GCSAML: variants seen among roughly 807,000 people sequenced by gnomAD.
GCSAML encodes germinal center associated signaling and motility like.
GCSAML carries 9 observed loss-of-function variants against 13.0 expected under a neutral mutation model. The ratio of observed to expected loss-of-function variants is 0.69; its 90% confidence interval spans 0.42 to 1.21. The LOEUF is 1.21. Among genes scored for constraint, GCSAML ranks in the 50% most tolerant of loss-of-function variants. The pLI is 0.00. For synonymous variants in GCSAML, 37 were observed against 52.9 expected, an observed-to-expected ratio of 0.70 and a Z score of 1.31; for missense variants, 143 against 153.4, an observed-to-expected ratio of 0.93 and a Z score of 0.36.
intron 2 of GCSAML, among the ~76,000 whole-genome samples, chr1:247,562,461 ACTTTC>A (rs1668168244): frequency 6.6e-6 from 1 of 152,088 alleles, no homozygotes; most frequent in African/African-American, 2.4e-5. Flanking sequence ...GAAACTCACG[ACTTTC>A]CTTTATTTCC....
At chr1:247,566,651 T>A (rs769964800) in intron 4 of GCSAML, among the ~76,000 whole-genome samples, 9 of 152,160 alleles carry the variant, frequency 5.9e-5, no homozygotes, top group Admixed American at 4.6e-4. Flanking sequence ...CTTTCCACAT[T>A]CCCTTTCAAT....
intron 1 of GCSAML, among the ~76,000 whole-genome samples, chr1:247,552,422 C>G (rs771340524): frequency 2.1e-4 from 32 of 152,180 alleles, no homozygotes; most frequent in Non-Finnish European, 3.8e-4. Flanking sequence ...CCCTGCTTGT[C>G]AGAGGCCTGT....
chr1:247,548,185 G>A (rs574661586), upstream of GCSAML, among the ~76,000 whole-genome samples: 7 of 152,318 alleles, frequency 4.6e-5, no homozygotes, highest in African/African-American at 1.7e-4. This position sits in a 1 kb window ranked among gnomAD's most constrained non-coding sequence, Gnocchi z 5.3. Flanking sequence ...ACCACCTGTG[G>A]TATAAATCCT....
chr1:247,565,907 T>C, intron 3 of GCSAML, 24 bp from the exon 4 acceptor site: 2 of 1,270,132 alleles, frequency 1.6e-6, no homozygotes, highest in Non-Finnish European at 1.1e-6. Context: ...TTTCTTTCTT[T>C]TTTTTTTTTT....
In GCSAML at chr1:247,523,878, A is replaced by C. The variant is rs567484834; in HGVS notation, c.-262-3062A>C. On this transcript the variant is annotated intron_variant, in intron 1 of 5. Transcript: ENST00000366489. ...ATTGATATTCCTGAAATAAATTTGC[A>C]CATATATGAAATTTTGAATATGGTA... is the stretch of plus-strand genomic sequence containing the variant. Among the ~76,000 whole-genome samples, 11 of 152,314 alleles carry C rather than the reference A, an allele frequency of 7.2e-5. No homozygotes were observed. The South Asian group carries it at 1.9e-3, about 26-fold the overall frequency.
intron 3 of GCSAML, among the ~76,000 whole-genome samples, chr1:247,563,843 C>T (rs1668233729): frequency 1.3e-5 from 2 of 152,064 alleles, no homozygotes; most frequent in Admixed American, 1.3e-4. Context: ...TAAGAAACTT[C>T]TGTGGAAAGA....
chr1:247,523,306 C>T (rs1558237073), intron 1 of GCSAML, among the ~76,000 whole-genome samples: 1 of 152,240 alleles, frequency 6.6e-6, no homozygotes, highest in Non-Finnish European at 1.5e-5. Context: ...CATATATAGA[C>T]AGGAATAATT....
At position 247,511,409 on chromosome 1, in the gene GCSAML, C is replaced by A. The variant is rs1245526784; in HGVS notation, c.-263+4176C>A. 2.0e-5 allele frequency among the ~76,000 whole-genome samples: 3 copies of A among 151,942 alleles called. No homozygotes were observed. The East Asian group carries it at 5.8e-4, about 29-fold the overall frequency. ...CCCTTTATTTTGAGCTTATGTGTGT[C>A]TTTGCACGTGAGATGGGTCTCCTGA... On this transcript the variant is annotated intron_variant, in intron 1 of 5. Coordinates refer to the GCSAML transcript ENST00000366489.
chr1:247,509,778 G>C (rs1665958362), intron 1 of GCSAML, among the ~76,000 whole-genome samples: 2 of 152,076 alleles, frequency 1.3e-5, no homozygotes, highest in Admixed American at 6.6e-5. Context: ...TTTTGTCATT[G>C]GTTTTGTTTA....
intron 2 of GCSAML, among the ~76,000 whole-genome samples, chr1:247,561,141 A>G (rs1270796221): frequency 6.6e-6 from 1 of 151,930 alleles, no homozygotes; most frequent in Non-Finnish European, 1.5e-5. Flanking sequence ...TTTTGTACAG[A>G]CAGGGTTTTG....
At chr1:247,568,771 A>G (rs951320953) in intron 4 of GCSAML, among the ~76,000 whole-genome samples, 2 of 152,158 alleles carry the variant, frequency 1.3e-5, no homozygotes, top group Non-Finnish European at 2.9e-5. Context: ...TTTGGGCAGT[A>G]TGGCCATTTT....
chr1:247,562,210 G>T (rs1464226884), intron 2 of GCSAML, among the ~76,000 whole-genome samples: 1 of 152,172 alleles, frequency 6.6e-6, no homozygotes, highest in Non-Finnish European at 1.5e-5. Context: ...GCAAAGCTTT[G>T]TCTGAGAATA....
intron 4 of GCSAML, among the ~76,000 whole-genome samples, chr1:247,567,305 G>A (rs898247691): frequency 6.6e-6 from 1 of 151,754 alleles, no homozygotes; most frequent in African/African-American, 2.4e-5. Context: ...TTAGGTATTT[G>A]TTCTAATGCT....
intron 2 of GCSAML, chr1:247,531,634 A>G: frequency 2.5e-6 from 4 of 1,614,182 alleles, no homozygotes; most frequent in Non-Finnish European, 3.4e-6. Context: ...CGTGTTCCTC[A>G]GGGTGTAAAT....
intron 1 of GCSAML, among the ~76,000 whole-genome samples, chr1:247,524,092 A>C (rs1666558998): frequency 6.6e-6 from 1 of 152,112 alleles, no homozygotes; most frequent in African/African-American, 2.4e-5. Flanking sequence ...CGAGAAGATA[A>C]ATACAATCTG....
chr1:247,549,451 C>T (rs751649161), intron 1 of GCSAML, among the ~76,000 whole-genome samples: 4 of 152,090 alleles, frequency 2.6e-5, no homozygotes, highest in Non-Finnish European at 5.9e-5. Context: ...GATGCTAAGT[C>T]ACATTCAAAT....
upstream of GCSAML, among the ~76,000 whole-genome samples, chr1:247,545,300 G>C (rs931630349): frequency 6.6e-6 from 1 of 152,194 alleles, no homozygotes; most frequent in African/African-American, 2.4e-5. Context: ...TACTCCTCTG[G>C]TGGGCAACTC....
At position 247,527,729 on chromosome 1, in the gene GCSAML, C is replaced by A. The variant is rs969896074; in HGVS notation, c.-148+675C>A. 1 of 152,158 alleles carries A rather than the reference C, an allele frequency of 6.6e-6. No individual in the cohort carries two copies. The highest frequency in any genetic ancestry group is 2.4e-5 in the African/African-American group (1 of 41,430). The allele number at this position is 152,158 out of a possible 1,614,324, so 9.4% of individuals were successfully genotyped here. A position where few individuals can be genotyped will look rare whatever the true frequency, so the allele number is the denominator to read the frequency against. On this transcript the variant is annotated intron_variant, in intron 2 of 5. Coordinates refer to the GCSAML transcript ENST00000366489. The surrounding 1 kb of genome is among the most constrained non-coding windows in gnomAD (Gnocchi z 4.6). ...AATATCCATCATCTCAAACATTTAT[C>A]GTTTCTTCGTGCTGGGAACATTCAA...
rs539350900 is a variant in GCSAML at position 247,518,120 on chromosome 1, T to C, written c.-262-8820T>C. Among the ~76,000 whole-genome samples, 16 of 152,292 alleles carry C rather than the reference T, an allele frequency of 1.1e-4. No individual in the cohort carries two copies. In the East Asian group the frequency reaches 2.3e-3, roughly 22 times the overall value. ...AACCGCGGGGGCTCAGGCAAATCCATGGCCCGCGTGGGTGTGCGGTGCGGC... is the reference window on the plus strand; with the variant it reads ...AACCGCGGGGGCTCAGGCAAATCCACGGCCCGCGTGGGTGTGCGGTGCGGC... On this transcript the variant is annotated intron_variant, in intron 1 of 5. Transcript: ENST00000366489.
Sources: allele counts gnomAD v4.1 joint callset (sites outside exome capture counted in the v4.1 genomes callset), GRCh38; gene constraint gnomAD v4.1.1; non-coding constraint Gnocchi (gnomAD v3.1); transcripts MANE v1.5; gene names NCBI Gene and HGNC (gene_info 2026-07-23, HGNC 2026-07-21).